The following RNF144A variants were observed in gnomAD, a reference collection of about 807,000 sequenced individuals.
RNF144A encodes ring finger protein 144A, also known as E3 ubiquitin-protein ligase RNF144A.
RNF144A carries 11 observed loss-of-function variants against 38.7 expected under a neutral mutation model. The ratio of observed to expected loss-of-function variants is 0.28; its 90% CI spans 0.18 to 0.47. RNF144A has a LOEUF of 0.47. RNF144A is among the 20% of genes least tolerant of loss of function. The pLI, the probability that RNF144A is intolerant of heterozygous loss-of-function variation, is 0.99. For synonymous variants in RNF144A, 149 were observed against 143.9 expected (o/e 1.04, Z -0.25); for missense variants, 316 against 377.2 (o/e 0.84, Z 1.34).
chr2:6,980,534 T>A (rs1237139458), intron 2 of RNF144A, among the ~76,000 whole-genome samples: 3 of 152,248 alleles, frequency 2.0e-5, no homozygotes, highest in African/African-American at 7.2e-5. Flanking sequence ...TTTGATTCCA[T>A]GTCTCAAATC....
rs143824735 is a variant in RNF144A, at chr2:6,927,179, C to T, written c.-212+9557C>T. The stretch of plus-strand genomic sequence containing the variant: ...TATGCCGAATAAATATTTGTGTAGC[C>T]TTCACTCTAGGCCAGGTACTGTGCT... On this transcript the variant is annotated intron_variant, in intron 1 of 8. Coordinates refer to ENST00000320892, the MANE Select transcript of RNF144A (RefSeq NM_014746.6). Among the ~76,000 whole-genome samples, 258 of 152,288 alleles carry T rather than the reference C, an allele frequency of 1.7e-3. 3 individuals carry two copies. Among genetic ancestry groups the T allele is most frequent in the African/African-American group, 5.9e-3 (244 of 41,558 alleles).
chr2:7,023,808 ACCT>A (rs1236560969), intron 6 of RNF144A, among the ~76,000 whole-genome samples: 2 of 152,200 alleles, frequency 1.3e-5, no homozygotes, highest in African/African-American at 4.8e-5. Context: ...CCCAGCTCTG[ACCT>A]CAGCTTAAAG....
At chr2:6,991,118 T>C (rs1162598339) in intron 2 of RNF144A, among the ~76,000 whole-genome samples, 1 of 152,242 alleles carries the variant, frequency 6.6e-6, no homozygotes, top group African/African-American at 2.4e-5. Flanking sequence ...ATTTTGGCAG[T>C]TACGGCTGAG....
intron 8 of RNF144A, among the ~76,000 whole-genome samples, chr2:7,030,792 A>T (rs530990876): frequency 1.3e-4 from 20 of 152,238 alleles, no homozygotes; most frequent in African/African-American, 4.6e-4. Flanking sequence ...ATTGTAATAT[A>T]TAGTGAAATA....
At chr2:7,010,850 C>A (rs1000247865) in intron 3 of RNF144A, among the ~76,000 whole-genome samples, 2 of 152,162 alleles carry the variant, frequency 1.3e-5, no homozygotes, top group Non-Finnish European at 2.9e-5. Context: ...CTCCCTGCCC[C>A]CTTGAAGTGG....
In RNF144A at chr2:7,040,546, G is replaced by A. The variant is rs1206705578; in HGVS notation, c.*786G>A. On this transcript the variant is annotated 3_prime_UTR_variant, in exon 9 of 9. Coordinates refer to ENST00000320892, the MANE Select transcript of RNF144A (RefSeq NM_014746.6). The stretch of plus-strand genomic sequence containing the variant: ...TTGCCTTTTGTTGTTTTCTCTCTTT[G>A]GTGATTCAGCTCAGCTCATGGGCCT... 2 of 985,260 alleles carry A rather than the reference G, an allele frequency of 2.0e-6. No homozygotes were observed. Among genetic ancestry groups the A allele is most frequent in the East Asian group, 1.1e-4 (1 of 8,836 alleles). 61.0% of individuals were successfully genotyped at this position (985,260 alleles called of 1,614,324 possible). A position where few individuals can be genotyped will look rare whatever the true frequency, so the allele number is the denominator to read the frequency against.
chr2:6,950,779 G>T (rs1308226020), intron 2 of RNF144A, among the ~76,000 whole-genome samples: 1 of 152,144 alleles, frequency 6.6e-6, no homozygotes, highest in Non-Finnish European at 1.5e-5. Context: ...GTAATATTGA[G>T]CTACTTTCCC....
intron 6 of RNF144A, among the ~76,000 whole-genome samples, chr2:7,057,077 G>T (rs1297481898): frequency 3.3e-5 from 5 of 152,174 alleles, no homozygotes; most frequent in Non-Finnish European, 5.9e-5. Context: ...CAGGAGGTGA[G>T]AAGGGATGCT....
chr2:7,034,020 G>A (rs1040826611), intron 8 of RNF144A, among the ~76,000 whole-genome samples: 1 of 152,168 alleles, frequency 6.6e-6, no homozygotes, highest in African/African-American at 2.4e-5. Context: ...CCCGTCCCAG[G>A]AGCCATGAGA....
rs1666223111 is a variant in RNF144A, at chr2:6,944,697, C to A, written c.-12+3550C>A. On this transcript the variant is annotated intron_variant, in intron 2 of 8. Transcript: ENST00000320892. This position sits in a 1 kb window ranked among gnomAD's most constrained non-coding sequence, Gnocchi z 4.7. ...GGTGTGAGGGAGACATTAAAGAACCCTGGAGAAAACACATCACGAGGCCAA... is the reference window on the plus strand; with the variant it reads ...GGTGTGAGGGAGACATTAAAGAACCATGGAGAAAACACATCACGAGGCCAA... 6.6e-6 allele frequency among the ~76,000 whole-genome samples: 1 copy of A among 152,106 alleles called. No individual in the cohort carries two copies. The highest frequency in any genetic ancestry group is 1.5e-5 in the Non-Finnish European group (1 of 68,028).
At chr2:7,009,570 T>A (rs1476651331) in intron 3 of RNF144A, among the ~76,000 whole-genome samples, 1 of 152,136 alleles carries the variant, frequency 6.6e-6, no homozygotes, top group East Asian at 1.9e-4. Context: ...ACTTTATAAT[T>A]TGAACTCTTC....
chr2:6,990,562 TACACACACAAACACAC>T (rs1409262037), intron 2 of RNF144A, among the ~76,000 whole-genome samples: 2 of 34,936 alleles, frequency 5.7e-5, no homozygotes, highest in South Asian at 6.7e-4. Context: ...GAGAGATTGC[TACACACACAAACACAC>T]ACACACACAC....
chr2:7,002,898 G>A (rs1372792014), intron 3 of RNF144A, among the ~76,000 whole-genome samples: 2 of 152,134 alleles, frequency 1.3e-5, no homozygotes, highest in East Asian at 1.9e-4. Context: ...TCTAGTGGGA[G>A]AAGATGTGGA....
intron 1 of RNF144A, among the ~76,000 whole-genome samples, chr2:6,924,745 A>G (rs147277345): frequency 6.6e-6 from 1 of 152,382 alleles, no homozygotes; most frequent in East Asian, 1.9e-4. Context: ...TTCTTCCTGT[A>G]TAAGAGTTGA....
At chr2:6,977,548 C>T (rs1006769397) in intron 2 of RNF144A, among the ~76,000 whole-genome samples, 1 of 152,200 alleles carries the variant, frequency 6.6e-6, no homozygotes, top group Non-Finnish European at 1.5e-5. Flanking sequence ...ACGTGTAGTA[C>T]ATTATACCAA....
rs1270923550 is a variant in RNF144A, at chr2:6,959,764, AC to A, written c.-12+18620del. Among the ~76,000 whole-genome samples the A allele has an allele frequency of 3.3e-5, 5 of 152,150 alleles. No homozygotes were observed. In the South Asian group the frequency reaches 1.0e-3, roughly 32 times the overall value. On this transcript the variant is annotated intron_variant, in intron 2 of 8. Transcript: ENST00000320892. Reference sequence around the variant, plus strand: ...CGGTCATGAGGGCAGACGCCTTATGACCCAGTCATTTCTTAAAGATCACCAC... The same window carrying A: ...CGGTCATGAGGGCAGACGCCTTATGACCAGTCATTTCTTAAAGATCACCAC...
chr2:6,947,639 T>C (rs1666423495), intron 2 of RNF144A, among the ~76,000 whole-genome samples: 1 of 152,244 alleles, frequency 6.6e-6, no homozygotes, highest in Non-Finnish European at 1.5e-5. Context: ...TTTGTAGTTC[T>C]ATTGAATTTT....
chr2:7,001,757 C>A (rs952592528), intron 3 of RNF144A, among the ~76,000 whole-genome samples: 3 of 152,162 alleles, frequency 2.0e-5, no homozygotes. Context: ...AAAAGTGACT[C>A]TTAGTGGTTT....
intron 2 of RNF144A, among the ~76,000 whole-genome samples, chr2:6,972,773 C>T (rs187959656): frequency 4.7e-4 from 72 of 152,312 alleles, no homozygotes; most frequent in South Asian, 3.5e-3. Context: ...GGCCCAAACT[C>T]CCAGAGAAAA....
Sources: allele counts gnomAD v4.1 joint callset (sites outside exome capture counted in the v4.1 genomes callset), GRCh38; gene constraint gnomAD v4.1.1; non-coding constraint Gnocchi (gnomAD v3.1); transcripts MANE v1.5; gene names NCBI Gene and HGNC (gene_info 2026-07-23, HGNC 2026-07-21).